Variants in CLYBL observed in about 807,000 individuals in gnomAD.
CLYBL encodes citramalyl-CoA lyase, also known as citramalyl-CoA lyase, mitochondrial.
In CLYBL, 31 loss-of-function variants were observed where a neutral mutation model predicts 38.9. The ratio of observed to expected loss-of-function variants is 0.80; its 90% CI spans 0.60 to 1.08. CLYBL has a LOEUF of 1.08. Among genes scored for constraint, CLYBL ranks in the 50% least tolerant of loss-of-function variants. The pLI is 0.00. For missense variants in CLYBL, 434 were observed against 411.6 expected (o/e 1.05, Z -0.47); for synonymous variants, 171 against 158.6 (o/e 1.08, Z -0.59).
chr13:99,701,717 C>T (rs2048069566), intron 1 of CLYBL, among the ~76,000 whole-genome samples: 1 of 152,182 alleles, frequency 6.6e-6, no homozygotes, highest in Non-Finnish European at 1.5e-5. Context: ...CTCTGTCACC[C>T]ACTCTGGAGA....
chr13:99,686,621 T>A (rs2047822089), intron 1 of CLYBL, among the ~76,000 whole-genome samples: 1 of 152,260 alleles, frequency 6.6e-6, no homozygotes, highest in South Asian at 2.1e-4. Context: ...TACTAAGCAG[T>A]ACTAAAGTAT....
At chr13:99,724,713 G>C (rs1458435775) in intron 1 of CLYBL, among the ~76,000 whole-genome samples, 1 of 152,178 alleles carries the variant, frequency 6.6e-6, no homozygotes, top group East Asian at 1.9e-4. Context: ...TACACACACA[G>C]ACGCAAAGGC....
chr13:99,792,595 C>T (rs2049940934), intron 2 of CLYBL, among the ~76,000 whole-genome samples: 1 of 152,100 alleles, frequency 6.6e-6, no homozygotes, highest in Non-Finnish European at 1.5e-5. Flanking sequence ...TACGCCCCAC[C>T]CCTGGAGTTT....
At chr13:99,832,112 AT>A (rs759771406) in intron 2 of CLYBL, among the ~76,000 whole-genome samples, 9 of 152,322 alleles carry the variant, frequency 5.9e-5, no homozygotes, top group Admixed American at 3.3e-4. Flanking sequence ...TATTGGATGT[AT>A]TTATTTCCAA....
chr13:99,620,788 AAGAAAAAGAGAGAG>A (rs1443808369), intron 1 of CLYBL, among the ~76,000 whole-genome samples: 3 of 147,846 alleles, frequency 2.0e-5, no homozygotes, highest in Non-Finnish European at 4.5e-5. Flanking sequence ...AAAAGAAAGA[AAGAAAAAGAGAGAG>A]AGAGAAAGAG....
At chr13:99,760,161 G>A (rs1362565244) in intron 1 of CLYBL, among the ~76,000 whole-genome samples, 2 of 152,126 alleles carry the variant, frequency 1.3e-5, no homozygotes, top group Non-Finnish European at 2.9e-5. Context: ...AGAATCAGTA[G>A]TAATATCCCC....
intron 1 of CLYBL, among the ~76,000 whole-genome samples, chr13:99,640,684 G>T (rs566862491): frequency 5.9e-5 from 9 of 152,354 alleles, no homozygotes; most frequent in Non-Finnish European, 1.2e-4. Flanking sequence ...TTGAGTGTGG[G>T]TTTCAAGTTG....
At chr13:99,799,604 CAT>C (rs10556030) in intron 2 of CLYBL, among the ~76,000 whole-genome samples, 28,631 of 152,040 alleles carry the variant, frequency 0.19, 3,678 homozygotes, top group East Asian at 0.37. Flanking sequence ...GGGCATCAAT[CAT>C]GTGTGTATCT....
chr13:99,731,082 CAAA>C (rs764705741), intron 1 of CLYBL, among the ~76,000 whole-genome samples: 2 of 57,014 alleles, frequency 3.5e-5, no homozygotes, highest in African/African-American at 7.6e-5. Context: ...GACTCTGTTT[CAAA>C]AAAAAAAAAA....
At chr13:99,668,342 T>G (rs1316331549) in intron 1 of CLYBL, among the ~76,000 whole-genome samples, 1 of 151,196 alleles carries the variant, frequency 6.6e-6, no homozygotes. Flanking sequence ...ATCCCAGCAC[T>G]GGGAGGCCAA....
chr13:99,713,334 CTTT>C (rs759844768), intron 1 of CLYBL, among the ~76,000 whole-genome samples: 2 of 101,670 alleles, frequency 2.0e-5, no homozygotes, highest in African/African-American at 3.9e-5. Flanking sequence ...TTCTCTATTT[CTTT>C]TTTTTTTTTT....
At chr13:99,894,612 G>C (rs1416810300), downstream of CLYBL, 1 of 151,508 alleles carries the variant, frequency 6.6e-6, no homozygotes, top group Non-Finnish European at 1.5e-5. Flanking sequence ...CTGACTGTAT[G>C]TATGCAAAGC....
At chr13:99,610,857 T>C (rs917101461) in intron 1 of CLYBL, among the ~76,000 whole-genome samples, 1 of 152,238 alleles carries the variant, frequency 6.6e-6, no homozygotes, top group Non-Finnish European at 1.5e-5. Flanking sequence ...TACCCTGTTA[T>C]CTTCCATCTC....
intron 1 of CLYBL, among the ~76,000 whole-genome samples, chr13:99,675,760 A>G (rs1430016118): frequency 6.6e-6 from 1 of 152,172 alleles, no homozygotes; most frequent in African/African-American, 2.4e-5. Context: ...TATATACCAC[A>G]TTTTATTTAT....
chr13:99,862,577 G>A lies in CLYBL; in HGVS notation c.439-414G>A, dbSNP rs146591844. Among the ~76,000 whole-genome samples, 21 of 152,356 alleles carry A rather than the reference G, an allele frequency of 1.4e-4. No individual in the cohort carries two copies. In the East Asian group the frequency reaches 4.0e-3, roughly 29 times the overall value. ...TAGAAGGCTGCTGAACAGTTGCACT[G>A]ATGTCAGTGCTGGGCACGAAACAAA... On this transcript the variant is annotated intron_variant, in intron 3 of 8. Coordinates refer to ENST00000339105, the MANE Select transcript of CLYBL (RefSeq NM_206808.5).
intron 1 of CLYBL, among the ~76,000 whole-genome samples, chr13:99,665,816 G>T (rs1271799645): frequency 6.6e-6 from 1 of 152,192 alleles, no homozygotes; most frequent in Admixed American, 6.5e-5. Flanking sequence ...ACTGATTCAT[G>T]TTAGATAAAA....
At chr13:99,633,410 C>T (rs779377545) in intron 1 of CLYBL, among the ~76,000 whole-genome samples, 13 of 151,464 alleles carry the variant, frequency 8.6e-5, no homozygotes, top group Admixed American at 1.3e-4. Flanking sequence ...TGGCACGCAT[C>T]TGTAATCCCA....
intron 1 of CLYBL, among the ~76,000 whole-genome samples, chr13:99,637,489 G>T (rs192803696): frequency 2.6e-5 from 4 of 152,310 alleles, no homozygotes; most frequent in African/African-American, 9.6e-5. Context: ...AGCCGGGCAC[G>T]GTGGCTCACG....
intron 7 of CLYBL, among the ~76,000 whole-genome samples, chr13:99,888,137 A>G (rs1239352698): frequency 1.3e-5 from 2 of 152,150 alleles, no homozygotes; most frequent in Non-Finnish European, 2.9e-5. Flanking sequence ...TTACAGGCGT[A>G]AGCCACCATG....
Sources: allele counts gnomAD v4.1 joint callset (sites outside exome capture counted in the v4.1 genomes callset), GRCh38; gene constraint gnomAD v4.1.1; transcripts MANE v1.5; gene names NCBI Gene and HGNC (gene_info 2026-07-23, HGNC 2026-07-21).